Variants in MYH3 observed in about 807,000 individuals in gnomAD.
MYH3 encodes the protein myosin heavy chain 3, also known as myosin-3.
A neutral mutation model predicts 238.0 loss-of-function variants in MYH3; 130 were observed. The ratio of observed to expected loss-of-function variants is 0.55; its 90% CI spans 0.47 to 0.63. The LOEUF (loss-of-function observed/expected upper bound fraction) is 0.63, where lower values mean the gene tolerates loss of function less well. MYH3 is among the 30% of genes least tolerant of loss of function. The pLI is 0.00. For synonymous variants in MYH3, 880 were observed against 924.1 expected (o/e 0.95, Z 0.86); for missense variants, 1,853 against 2,374.9 (o/e 0.78, Z 4.57).
At chr17:10,636,319 G>A (rs2074215289) in intron 28 of MYH3, among the ~76,000 whole-genome samples, 1 of 141,540 alleles carries the variant, frequency 7.1e-6, no homozygotes, top group African/African-American at 2.6e-5. Context: ...AGATATTGTT[G>A]TAAACTACTG....
rs71139057 is a variant in MYH3 at position 10,656,537 on chromosome 17, CAAAAAAAA to C, written c.-67-397_-67-390del. ...GGGCGACAAGAGCAAAATTCTGTCTCAAAAAAAAAAAAAAAAAAAAAAAAGACTAATAC... is the reference window on the plus strand; with the variant it reads ...GGGCGACAAGAGCAAAATTCTGTCTCAAAAAAAAAAAAAAAAGACTAATAC... On this transcript the variant is annotated intron_variant, in intron 1 of 40. Coordinates refer to ENST00000583535, the MANE Select transcript of MYH3 (RefSeq NM_002470.4). Among the ~76,000 whole-genome samples the C allele has an allele frequency of 8.8e-3, 493 of 55,878 alleles. 1 individual carries two copies. The highest frequency in any genetic ancestry group is 0.022 in the African/African-American group (438 of 20,266). 36.7% of individuals were successfully genotyped at this position (55,878 alleles called of 152,430 possible). A position where few individuals can be genotyped will look rare whatever the true frequency, so the allele number is the denominator to read the frequency against.
upstream of MYH3, among the ~76,000 whole-genome samples, chr17:10,657,532 T>C (rs2142437067): frequency 6.6e-6 from 1 of 152,310 alleles, no homozygotes; most frequent in African/African-American, 2.4e-5. Context: ...TGCCTTTCTC[T>C]GAACTTGGGG....
chr17:10,638,513 T>C, intron 26 of MYH3, 81 bp from the exon 27 acceptor site: 1 of 1,569,476 alleles, frequency 6.4e-7, no homozygotes, highest in Admixed American at 1.8e-5. Flanking sequence ...TGGTTTCCCT[T>C]CCCATTAGAC....
intron 36 of MYH3, 126 bp downstream of exon 36, chr17:10,631,485 G>C: frequency 7.1e-7 from 1 of 1,408,034 alleles, no homozygotes; most frequent in Non-Finnish European, 9.9e-7. Context: ...AGCGGAGATG[G>C]GAGCCCTCGG....
intron 1 of MYH3, among the ~76,000 whole-genome samples, chr17:10,656,521 G>C (rs1387451172): frequency 7.4e-6 from 1 of 135,894 alleles, no homozygotes; most frequent in African/African-American, 3.0e-5. Flanking sequence ...TGGGCGACAA[G>C]AGCAAAATTC....
Position 10,628,644 on chromosome 17 carries a change from A to G in MYH3, c.*9T>C, listed in dbSNP as rs770817952. On this transcript the variant is annotated 3_prime_UTR_variant, in exon 41 of 41. Transcript: ENST00000583535. ...TGCATATCTTCTGTCCTGCTCCAGAAGGGCTGGCTCACTCTTCACTCTCGT... is the reference window on the plus strand; with the variant it reads ...TGCATATCTTCTGTCCTGCTCCAGAGGGGCTGGCTCACTCTTCACTCTCGT... 1.8e-5 allele frequency: 29 copies of G among 1,614,076 alleles called. No homozygotes were observed. In the Admixed American group the frequency reaches 4.7e-4, roughly 26 times the overall value.
chr17:10,657,017 T>C (rs922913432), intron 1 of MYH3, among the ~76,000 whole-genome samples: 4 of 151,986 alleles, frequency 2.6e-5, no homozygotes, highest in Non-Finnish European at 5.9e-5. Flanking sequence ...AAGAGGACAC[T>C]TGGAGAGGAG....
At chr17:10,664,339 G>A in the MYH3 span, among the ~76,000 whole-genome samples, 1 of 152,146 alleles carries the variant, frequency 6.6e-6, no homozygotes, top group Non-Finnish European at 1.5e-5. Flanking sequence ...CACGAGACAG[G>A]TAGAGAAACT....
chr17:10,631,723 A>C lies in MYH3; in HGVS notation c.5174T>G (p.Ile1725Ser). 2 of 1,613,956 alleles carry C rather than the reference A, an allele frequency of 1.2e-6. No individual in the cohort carries two copies. The highest frequency in any genetic ancestry group is 2.2e-5 in the South Asian group (2 of 91,066). ...TGTCTCCAGCTTCTTCTTGGTGTGG[A>C]TGAGGCTGGTGTTCTAGGGCAAGAG... ...QLLHTQNTSL[I>S]HTKKKLETDL... is the part of the protein sequence containing the mutation. Residue 1725 changes from isoleucine (I) to serine (S), a missense_variant, in exon 36 of 41, where the codon ATC becomes AGC. Ile to Ser is a moderately radical substitution (Grantham distance 142, BLOSUM62 -2). Around this residue, in one of 3 missense-constraint regions of MYH3, gnomAD observed 1,044 missense variants for 1,192.6 expected, o/e 0.88. Transcript: ENST00000583535.
chr17:10,647,602 T>C (rs898526649), intron 8 of MYH3, among the ~76,000 whole-genome samples, 176 bp from the exon 9 acceptor site: 7 of 152,252 alleles, frequency 4.6e-5, no homozygotes, highest in Admixed American at 3.3e-4. Context: ...TGGAGTGCAG[T>C]GGCGTGATCT....
At position 10,650,021 on chromosome 17, in the gene MYH3, G is replaced by C. The variant is rs140516579; in HGVS notation, c.534-336C>G. Reference sequence around the variant, plus strand: ...GAATCTCACTCTGCTGCCCAGGCTGGAGTGCAGTGGCGCGATCTCGGCTCA... The same window carrying C: ...GAATCTCACTCTGCTGCCCAGGCTGCAGTGCAGTGGCGCGATCTCGGCTCA... On this transcript the variant is annotated intron_variant, in intron 6 of 40. Coordinates refer to ENST00000583535, the MANE Select transcript of MYH3 (RefSeq NM_002470.4). 1.8e-3 allele frequency among the ~76,000 whole-genome samples: 268 copies of C among 152,030 alleles called. 3 individuals carry two copies. The highest frequency in any genetic ancestry group is 5.9e-3 in the African/African-American group (243 of 41,472).
At position 10,638,853 on chromosome 17, in the gene MYH3, G is replaced by T; in HGVS notation, c.3339+20C>A. The T allele has an allele frequency of 1.9e-6, 3 of 1,610,312 alleles. No homozygotes were observed. Among genetic ancestry groups the T allele is most frequent in the Non-Finnish European group, 1.7e-6 (2 of 1,176,672 alleles). On this transcript the variant is annotated intron_variant, in intron 26 of 40. Transcript: ENST00000583535. ...TGTAAGTGGCCTCACATGGAAGAGAGAAATGCAGAGGGCTCCTACCTGCAA... is the reference window on the plus strand; with the variant it reads ...TGTAAGTGGCCTCACATGGAAGAGATAAATGCAGAGGGCTCCTACCTGCAA...
intron 14 of MYH3, among the ~76,000 whole-genome samples, chr17:10,643,823 C>A (rs1442254110): frequency 6.6e-6 from 1 of 152,142 alleles, no homozygotes; most frequent in Middle Eastern, 3.2e-3. Context: ...TTGAAAATGT[C>A]CTTTAAAATT....
intron 14 of MYH3, among the ~76,000 whole-genome samples, chr17:10,643,996 C>T (rs907413284): frequency 6.6e-6 from 1 of 151,864 alleles, no homozygotes; most frequent in Non-Finnish European, 1.5e-5. Context: ...CCCATCTCTA[C>T]TAAAAATACA....
At position 10,652,284 on chromosome 17, in the gene MYH3, C is replaced by T. The variant is rs375452840; in HGVS notation, c.348+136G>A. 2.6e-5 allele frequency: 29 copies of T among 1,132,140 alleles called. No homozygotes were observed. In the African/African-American group the frequency reaches 2.6e-4, roughly 10 times the overall value. 70.1% of individuals were successfully genotyped at this position (1,132,140 alleles called of 1,614,324 possible). On this transcript the variant is annotated intron_variant, in intron 4 of 40. Coordinates refer to ENST00000583535, the MANE Select transcript of MYH3 (RefSeq NM_002470.4). ...TTGCTTTCTTGCCTTCTTTCTCCTCCGTCTTTGTGTTTTGTTCATCAGCTA... is the reference window on the plus strand; with the variant it reads ...TTGCTTTCTTGCCTTCTTTCTCCTCTGTCTTTGTGTTTTGTTCATCAGCTA...
the MYH3 span, chr17:10,677,730 G>A: frequency 2.0e-5 from 3 of 152,192 alleles, no homozygotes; most frequent in African/African-American, 7.2e-5. Flanking sequence ...AAATAAACAA[G>A]TGGCATTTCT....
Position 10,651,605 on chromosome 17 carries a change from C to A in MYH3, c.412G>T (p.Glu138Ter). 2 of 1,614,050 alleles carry A rather than the reference C, an allele frequency of 1.2e-6. No homozygotes were observed. The highest frequency in any genetic ancestry group is 2.2e-5 in the East Asian group (1 of 44,878). ...TTGCCTCGGTAGCCTTCCACCACCT[C>A]GGGGTTGTACACCGGCAGCCACTTG... ...PYKWLPVYNPEVVEGYRGKKR... is the reference protein window; with the variant it reads ...PYKWLPVYNP Residue 138 changes from glutamate to a stop codon, truncating the protein, a stop_gained, in exon 5 of 41, where the codon GAG (glutamate) becomes TAG (stop). Transcript: ENST00000583535. LOFTEE classifies it high-confidence loss of function.
chr17:10,640,796 G>C, intron 19 of MYH3, 110 bp from the exon 20 acceptor site: 1 of 1,381,428 alleles, frequency 7.2e-7, no homozygotes, highest in Non-Finnish European at 1.0e-6. Flanking sequence ...GGTCCCAGGA[G>C]ATGAGGGAAC....
intron 10 of MYH3, among the ~76,000 whole-genome samples, 175 bp downstream of exon 10, chr17:10,647,007 G>A (rs1402076488): frequency 6.6e-6 from 1 of 152,176 alleles, no homozygotes; most frequent in African/African-American, 2.4e-5. Flanking sequence ...CTGTGCTTGT[G>A]CCACTGCACC....
Sources: allele counts gnomAD v4.1 joint callset (sites outside exome capture counted in the v4.1 genomes callset), GRCh38; gene constraint gnomAD v4.1.1; regional missense constraint gnomAD v4.1.1; transcripts MANE v1.5; gene names NCBI Gene and HGNC (gene_info 2026-07-23, HGNC 2026-07-21).